NPAS3: variants seen among roughly 807,000 people sequenced by gnomAD.
NPAS3 encodes neuronal PAS domain-containing protein 3.
A neutral mutation model predicts 73.1 loss-of-function variants in NPAS3; 14 were observed. The observed-to-expected ratio is 0.19, with a 90% confidence interval of 0.13 to 0.30. The LOEUF is 0.30. NPAS3 is among the 10% of genes least tolerant of loss of function. The probability of loss-of-function intolerance (pLI) is 1.00; values close to 1 mark genes in which losing one functional copy is unlikely to be tolerated. For synonymous variants in NPAS3, 620 were observed against 541.5 expected, an observed-to-expected ratio of 1.14 and a Z score of -2.01; for missense variants, 1,096 against 1,250.0, an observed-to-expected ratio of 0.88 and a Z score of 1.86.
chr14:33,770,900 T>A (rs997881209), intron 7 of NPAS3, among the ~76,000 whole-genome samples: 2 of 152,200 alleles, frequency 1.3e-5, no homozygotes, highest in Non-Finnish European at 1.5e-5. Context: ...TAAGACTCCA[T>A]CTCAAAACAA....
intron 2 of NPAS3, among the ~76,000 whole-genome samples, chr14:33,100,355 G>T (rs2042546614): frequency 1.3e-5 from 2 of 152,112 alleles, no homozygotes; most frequent in Admixed American, 1.3e-4. Context: ...TGAGTTTATT[G>T]CTAAGAGTTA....
chr14:33,297,175 C>T (rs1227529956), intron 3 of NPAS3, among the ~76,000 whole-genome samples: 1 of 152,026 alleles, frequency 6.6e-6, no homozygotes, highest in East Asian at 1.9e-4. Flanking sequence ...TGGTTCTAAT[C>T]CTAGCTCTGC....
At chr14:33,151,860 CT>C (rs2044457403) in intron 2 of NPAS3, among the ~76,000 whole-genome samples, 1 of 152,150 alleles carries the variant, frequency 6.6e-6, no homozygotes. Context: ...CTCTTTCTCT[CT>C]AAGAGAGGCA....
intron 2 of NPAS3, among the ~76,000 whole-genome samples, chr14:33,203,372 G>A (rs1423331993): frequency 6.6e-6 from 1 of 151,978 alleles, no homozygotes; most frequent in Non-Finnish European, 1.5e-5. Context: ...TAGGGTATAT[G>A]TGCACAATGT....
intron 3 of NPAS3, among the ~76,000 whole-genome samples, chr14:33,314,047 T>C (rs2043110429): frequency 6.6e-6 from 1 of 152,098 alleles, no homozygotes; most frequent in African/African-American, 2.4e-5. Context: ...AAAAATTTTC[T>C]TTGGGTTTCA....
intron 5 of NPAS3, among the ~76,000 whole-genome samples, chr14:33,608,796 C>T (rs943659386): frequency 6.6e-6 from 1 of 152,184 alleles, no homozygotes; most frequent in Non-Finnish European, 1.5e-5. Flanking sequence ...GAGAATTCAG[C>T]TTAGAAGCCT....
chr14:33,452,874 T>C (rs1056961642), intron 4 of NPAS3, among the ~76,000 whole-genome samples: 2 of 150,224 alleles, frequency 1.3e-5, no homozygotes, highest in Admixed American at 1.3e-4. Flanking sequence ...AAATAAAAAT[T>C]AAGTATATGT....
chr14:32,966,148 G>T (rs1042824094), intron 1 of NPAS3, among the ~76,000 whole-genome samples: 1 of 152,128 alleles, frequency 6.6e-6, no homozygotes, highest in African/African-American at 2.4e-5. Flanking sequence ...CAGAATCAGT[G>T]CAATACCTAT....
At chr14:33,308,950 G>A (rs541415243) in intron 3 of NPAS3, among the ~76,000 whole-genome samples, 33 of 152,216 alleles carry the variant, frequency 2.2e-4, no homozygotes, top group African/African-American at 7.7e-4. Flanking sequence ...GAACTGTGAC[G>A]TAGTTTCTTA....
intron 5 of NPAS3, among the ~76,000 whole-genome samples, chr14:33,590,347 T>C (rs1317328785): frequency 6.6e-6 from 1 of 152,112 alleles, no homozygotes; most frequent in Non-Finnish European, 1.5e-5. Flanking sequence ...TTTATACAAA[T>C]ATATATATAA....
At chr14:33,083,559 A>T (rs774245940) in intron 2 of NPAS3, among the ~76,000 whole-genome samples, 1 of 152,196 alleles carries the variant, frequency 6.6e-6, no homozygotes, top group Non-Finnish European at 1.5e-5. Context: ...CTTCTAGGGG[A>T]AACAGTGCAG....
At chr14:33,651,333 G>T (rs941060188) in intron 5 of NPAS3, among the ~76,000 whole-genome samples, 10 of 152,154 alleles carry the variant, frequency 6.6e-5, no homozygotes, top group African/African-American at 2.2e-4. Context: ...TCATACATAG[G>T]ACATCACTGT....
chr14:33,203,822 C>G (rs2046715642), intron 2 of NPAS3, among the ~76,000 whole-genome samples: 1 of 152,222 alleles, frequency 6.6e-6, no homozygotes, highest in South Asian at 2.1e-4. Flanking sequence ...ATTTATAATC[C>G]TTTGGGTATA....
chr14:33,151,156 C>A (rs1025843062), intron 2 of NPAS3, among the ~76,000 whole-genome samples: 1 of 152,122 alleles, frequency 6.6e-6, no homozygotes, highest in Non-Finnish European at 1.5e-5. Context: ...GAGGCATAAC[C>A]GGCCTCTTTG....
intron 2 of NPAS3, among the ~76,000 whole-genome samples, chr14:33,180,735 C>T (rs1426720629): frequency 1.5e-5 from 2 of 131,958 alleles, no homozygotes; most frequent in African/African-American, 5.7e-5. Flanking sequence ...GGAGGCGGAG[C>T]TTGCAGTGAG....
intron 8 of NPAS3, among the ~76,000 whole-genome samples, chr14:33,777,761 C>T (rs552722216): frequency 2.0e-5 from 3 of 152,184 alleles, no homozygotes; most frequent in South Asian, 2.1e-4. Context: ...AGGACATCGA[C>T]GTCTGGACAG....
chr14:33,244,127 T>C (rs2048300848), intron 3 of NPAS3, among the ~76,000 whole-genome samples: 1 of 150,894 alleles, frequency 6.6e-6, no homozygotes, highest in Admixed American at 6.6e-5. Flanking sequence ...TTTATTGATA[T>C]CTACATTTGT....
At chr14:33,540,092 G>T (rs1002177607) in intron 4 of NPAS3, among the ~76,000 whole-genome samples, 1 of 152,086 alleles carries the variant, frequency 6.6e-6, no homozygotes, top group East Asian at 1.9e-4. Context: ...AGCTGTGTCC[G>T]CATCCTTTGT....
intron 4 of NPAS3, among the ~76,000 whole-genome samples, chr14:33,440,468 G>T (rs2049196686): frequency 6.6e-6 from 1 of 152,200 alleles, no homozygotes; most frequent in Non-Finnish European, 1.5e-5. Context: ...ATGATTCAGG[G>T]TAATGCCAAA....
Sources: gnomAD v4.1 joint callset for allele counts (sites outside exome capture counted in the v4.1 genomes callset) on GRCh38, gnomAD v4.1.1 for gene constraint, MANE v1.5 for transcripts, NCBI Gene and HGNC (gene_info 2026-07-23, HGNC 2026-07-21) for gene names.